ZFHX3: variants seen among roughly 807,000 people sequenced by gnomAD.
ZFHX3 encodes the protein zinc finger homeobox protein 3.
ZFHX3 carries 42 observed loss-of-function variants against 279.1 expected under a neutral mutation model. The ratio of observed to expected loss-of-function variants is 0.15; its 90% CI spans 0.12 to 0.19. The LOEUF is 0.19. ZFHX3 is among the 10% of genes least tolerant of loss of function. The probability of loss-of-function intolerance (pLI) is 1.00; values close to 1 mark genes in which losing one functional copy is unlikely to be tolerated. For synonymous variants in ZFHX3, 2,293 were observed against 1,957.8 expected (o/e 1.17, Z -4.52); for missense variants, 4,981 against 4,754.0 (o/e 1.05, Z -1.40).
At chr16:73,506,037 C>G (rs1386853628) in intron 2 of ZFHX3, among the ~76,000 whole-genome samples, 1 of 152,244 alleles carries the variant, frequency 6.6e-6, no homozygotes, top group East Asian at 1.9e-4. Context: ...AGGTGGGGTT[C>G]AGAGAGAGAG....
At chr16:73,176,651 A>G (rs1967673367) in intron 5 of ZFHX3, among the ~76,000 whole-genome samples, 1 of 147,458 alleles carries the variant, frequency 6.8e-6, no homozygotes, top group Non-Finnish European at 1.5e-5. Context: ...CACTTTGCTA[A>G]TTACTTCTCT....
intron 1 of ZFHX3, among the ~76,000 whole-genome samples, chr16:73,851,040 T>A (rs1003522238): frequency 2.6e-5 from 4 of 152,232 alleles, no homozygotes; most frequent in African/African-American, 9.6e-5. Flanking sequence ...TATTAAAATA[T>A]ATTGTGATTA....
intron 3 of ZFHX3, among the ~76,000 whole-genome samples, chr16:73,422,639 G>C (rs939360332): frequency 2.6e-5 from 4 of 152,168 alleles, no homozygotes; most frequent in Non-Finnish European, 5.9e-5. Context: ...ACTGCCCAAA[G>C]GGTCAAATTT....
At position 72,793,418 on chromosome 16, in the gene ZFHX3, G is replaced by C. The variant is rs759659910; in HGVS notation, c.9264C>G (p.Asn3088Lys). 3 of 1,614,062 alleles carry C rather than the reference G, an allele frequency of 1.9e-6. No homozygotes were observed. Among genetic ancestry groups the C allele is most frequent in the Non-Finnish European group, 2.5e-6 (3 of 1,180,046 alleles). Reference protein sequence around the residue: ...QQELDRIKKANEVLGLAAQQQ... With the variant: ...QQELDRIKKAKEVLGLAAQQQ... ...GCTGAGCTGCCAGTCCAAGGACCTCGTTGGCCTTTTTAATCCGGTCCAACT... is the reference window on the plus strand; with the variant it reads ...GCTGAGCTGCCAGTCCAAGGACCTCCTTGGCCTTTTTAATCCGGTCCAACT... The change falls in exon 9 of 10, where the codon AAC becomes AAG. Residue 3088 changes from asparagine to lysine, a missense_variant. This residue lies in a region of ZFHX3 where 168 missense variants were observed against 249.1 expected (regional missense o/e 0.67). Transcript: ENST00000268489. This position sits in a 1 kb window ranked among gnomAD's most constrained non-coding sequence, Gnocchi z 4.3.
intron 2 of ZFHX3, among the ~76,000 whole-genome samples, chr16:73,662,696 G>A (rs1038816554): frequency 2.5e-4 from 38 of 152,166 alleles, no homozygotes; most frequent in African/African-American, 9.2e-4. Context: ...CAAAAACAAA[G>A]CAATGCTGAA....
intron 1 of ZFHX3, among the ~76,000 whole-genome samples, chr16:73,699,640 A>C (rs979284974): frequency 1.3e-5 from 2 of 152,246 alleles, no homozygotes; most frequent in Non-Finnish European, 2.9e-5. Flanking sequence ...TAAGTGTATT[A>C]ATTCATTTAA....
chr16:73,834,911 C>CT (rs1031176712), intron 1 of ZFHX3, among the ~76,000 whole-genome samples: 28 of 152,042 alleles, frequency 1.8e-4, no homozygotes, highest in African/African-American at 4.1e-4. Context: ...AGCGTCTCCC[C>CT]CCGTGGGGTC....
At chr16:73,373,163 G>C (rs921718563) in intron 3 of ZFHX3, among the ~76,000 whole-genome samples, 1 of 151,580 alleles carries the variant, frequency 6.6e-6, no homozygotes, top group Non-Finnish European at 1.5e-5. Context: ...TGGTTCCAAA[G>C]TCTCCAGATC....
intron 2 of ZFHX3, among the ~76,000 whole-genome samples, chr16:73,491,623 G>A (rs1396166297): frequency 1.3e-5 from 2 of 152,124 alleles, no homozygotes; most frequent in African/African-American, 4.8e-5. Context: ...AAGTGGCACA[G>A]GTGTACATAC....
intron 1 of ZFHX3, among the ~76,000 whole-genome samples, chr16:73,009,905 C>G (rs1436568850): frequency 6.6e-6 from 1 of 151,806 alleles, no homozygotes; most frequent in Non-Finnish European, 1.5e-5. Flanking sequence ...CCTGTAATCC[C>G]AGCTATTCAG....
intron 5 of ZFHX3, among the ~76,000 whole-genome samples, chr16:73,167,861 A>G (rs940187175): frequency 7.2e-5 from 11 of 152,164 alleles, no homozygotes; most frequent in African/African-American, 2.7e-4. Flanking sequence ...TCTGTTTCCC[A>G]TTCATCCCCA....
intron 3 of ZFHX3, among the ~76,000 whole-genome samples, chr16:73,419,151 A>T (rs1166365676): frequency 6.6e-6 from 1 of 152,230 alleles, no homozygotes; most frequent in Non-Finnish European, 1.5e-5. Flanking sequence ...TACAAGCAAG[A>T]TGTTGAGTGA....
chr16:73,663,459 T>C (rs140483758), intron 2 of ZFHX3, among the ~76,000 whole-genome samples: 84 of 152,308 alleles, frequency 5.5e-4, no homozygotes, highest in Non-Finnish European at 9.9e-4. Flanking sequence ...AGCACAAAGA[T>C]CTAGTTTCCA....
chr16:73,632,219 G>T lies in ZFHX3; in HGVS notation c.-1547+47961C>A, dbSNP rs142078631. 5.7e-4 allele frequency among the ~76,000 whole-genome samples: 86 copies of T among 152,146 alleles called. 2 individuals are homozygous for T. The East Asian group carries it at 0.015, about 27-fold the overall frequency. On this transcript the variant is annotated intron_variant, in intron 2 of 17. Coordinates refer to the ZFHX3 transcript ENST00000641206. ...TTGAAGGGCTTGTTCTGGGCATGGGGTTAGAAAAAGGAATAATAAATGGTT... is the reference window on the plus strand; with the variant it reads ...TTGAAGGGCTTGTTCTGGGCATGGGTTTAGAAAAAGGAATAATAAATGGTT...
intron 1 of ZFHX3, among the ~76,000 whole-genome samples, chr16:73,800,503 C>T (rs759913810): frequency 6.6e-6 from 1 of 152,172 alleles, no homozygotes; most frequent in Non-Finnish European, 1.5e-5. Flanking sequence ...AGGCATGAGC[C>T]ACCGTGCTGG....
intron 2 of ZFHX3, among the ~76,000 whole-genome samples, chr16:73,635,507 G>C (rs1206473017): frequency 2.6e-5 from 4 of 152,210 alleles, no homozygotes; most frequent in Non-Finnish European, 4.4e-5. Context: ...TCCTAGGCTT[G>C]TAATAGGTTT....
intron 1 of ZFHX3, among the ~76,000 whole-genome samples, chr16:73,770,548 GATA>G (rs1452859647): frequency 6.6e-6 from 1 of 152,142 alleles, no homozygotes; most frequent in East Asian, 1.9e-4. Flanking sequence ...AAAACATTTA[GATA>G]ATAATATCAC....
chr16:72,938,667 A>G (rs765272907), intron 3 of ZFHX3, among the ~76,000 whole-genome samples: 2 of 152,138 alleles, frequency 1.3e-5, no homozygotes, highest in African/African-American at 2.4e-5. Context: ...GTTTTGGATA[A>G]CCCCAAAGCA....
chr16:73,524,199 A>G (rs1049598058), intron 2 of ZFHX3, among the ~76,000 whole-genome samples: 4 of 152,316 alleles, frequency 2.6e-5, no homozygotes, highest in African/African-American at 7.2e-5. Flanking sequence ...TGCAAGGCAT[A>G]CAGGCAACAC....
Sources: allele counts gnomAD v4.1 joint callset (sites outside exome capture counted in the v4.1 genomes callset), GRCh38; gene constraint gnomAD v4.1.1; regional missense constraint gnomAD v4.1.1; non-coding constraint Gnocchi (gnomAD v3.1); transcripts MANE v1.5; gene names NCBI Gene and HGNC (gene_info 2026-07-23, HGNC 2026-07-21).